The following SKI variants were observed in gnomAD, a reference collection of about 807,000 sequenced individuals.
SKI encodes ski oncogene.
Under a neutral mutation model 59.3 loss-of-function variants are expected in SKI, and 23 were observed. The observed-to-expected ratio is 0.39, with a 90% CI of 0.28 to 0.55. SKI has a LOEUF of 0.55. Ranked by LOEUF, SKI falls within the 20% of genes least tolerant of loss-of-function variation. The pLI, the probability that SKI is intolerant of heterozygous loss-of-function variation, is 0.67. For missense variants in SKI, 1,017 were observed against 1,038.9 expected (o/e 0.98, Z 0.29); for synonymous variants, 673 against 488.6 (o/e 1.38, Z -4.98).
intron 1 of SKI, among the ~76,000 whole-genome samples, chr1:2,253,056 A>C (rs1639196371): frequency 6.6e-6 from 1 of 151,394 alleles, no homozygotes; most frequent in Non-Finnish European, 1.5e-5. Context: ...AGGTCATGCC[A>C]CTGTACTGCA....
chr1:2,287,254 A>G (rs1199293542), intron 1 of SKI, among the ~76,000 whole-genome samples: 1 of 152,006 alleles, frequency 6.6e-6, no homozygotes, highest in Non-Finnish European at 1.5e-5. Context: ...CGACTTGGGA[A>G]TGCGTTTCTT....
rs56352201 is a variant in SKI, at chr1:2,229,528, C to T, written c.762C>T (p.Tyr254=). Residue 254 remains tyrosine, a synonymous_variant, in exon 1 of 7, where the codon TAC becomes TAT. Transcript: ENST00000378536. The surrounding 1 kb of genome is among the most constrained non-coding windows in gnomAD (Gnocchi z 6.3). ...CIQCLDCRLM[Y]PPHKFVVHSH... ...AGTGCCTGGACTGCCGCCTCATGTA[C>T]CCGCCGCACAAGTTCGTGGTGCACT... The T allele has an allele frequency of 1.1e-5, 18 of 1,611,336 alleles. No homozygotes were observed. Among genetic ancestry groups the T allele is most frequent in the Middle Eastern group, 1.6e-4 (1 of 6,062 alleles).
chr1:2,241,797 A>G, intron 1 of SKI, among the ~76,000 whole-genome samples: 1 of 152,222 alleles, frequency 6.6e-6, no homozygotes, highest in East Asian at 1.9e-4. Flanking sequence ...AACGCTCACC[A>G]TGACCCATTA....
At position 2,242,150 on chromosome 1, in the gene SKI, T is replaced by C. The variant is rs188361833; in HGVS notation, c.969+12415T>C. 5.3e-5 allele frequency among the ~76,000 whole-genome samples: 8 copies of C among 152,316 alleles called. 1 individual carries two copies. The East Asian group carries it at 1.5e-3, about 29-fold the overall frequency. ...TAGAGACCGTCGGTGACCTTCCTCA[T>C]GTGATGCGTCCCTTGGTGTGGCCCC... On this transcript the variant is annotated intron_variant, in intron 1 of 6. Coordinates refer to ENST00000378536, the MANE Select transcript of SKI (RefSeq NM_003036.4).
chr1:2,279,585 G>A (rs767191916), intron 1 of SKI, among the ~76,000 whole-genome samples: 21 of 152,302 alleles, frequency 1.4e-4, no homozygotes, highest in Admixed American at 1.0e-3. Flanking sequence ...GGGGGAGGGG[G>A]GAGGGGAGAG....
At position 2,309,018 on chromosome 1, in the gene SKI, G is replaced by C. The variant is rs1640673765; in HGVS notation, c.*2253G>C. 6.6e-6 allele frequency: 1 copy of C among 152,364 alleles called. No individual in the cohort carries two copies. Among genetic ancestry groups the C allele is most frequent in the South Asian group, 2.1e-4 (1 of 4,828 alleles). 9.4% of individuals were successfully genotyped at this position (152,364 alleles called of 1,614,324 possible). On this transcript the variant is annotated 3_prime_UTR_variant, in exon 7 of 7. Transcript: ENST00000378536. ...AGCTGCCAGGCCCGTGCGGTCAGTGGGACCCGGACGTGGGCAGGCGAGCTC... is the reference window on the plus strand; with the variant it reads ...AGCTGCCAGGCCCGTGCGGTCAGTGCGACCCGGACGTGGGCAGGCGAGCTC...
At chr1:2,273,775 G>A (rs1000512916) in intron 1 of SKI, among the ~76,000 whole-genome samples, 4 of 152,224 alleles carry the variant, frequency 2.6e-5, no homozygotes, top group Non-Finnish European at 4.4e-5. Context: ...GGCAGCGTTC[G>A]GGCTGAGGCT....
chr1:2,237,201 G>A lies in SKI; in HGVS notation c.969+7466G>A, dbSNP rs1388269068. On this transcript the variant is annotated intron_variant, in intron 1 of 6. Coordinates refer to ENST00000378536, the MANE Select transcript of SKI (RefSeq NM_003036.4). ...CACCTGAGGACTGGCTGACCTCACCGGGAAGTGCGTCAGGAGTGGGTGAGG... is the reference window on the plus strand; with the variant it reads ...CACCTGAGGACTGGCTGACCTCACCAGGAAGTGCGTCAGGAGTGGGTGAGG... 5.3e-5 allele frequency among the ~76,000 whole-genome samples: 8 copies of A among 152,206 alleles called. 1 individual carries two copies. Among genetic ancestry groups the A allele is most frequent in the Admixed American group, 3.9e-4 (6 of 15,278 alleles).
intron 1 of SKI, among the ~76,000 whole-genome samples, chr1:2,246,530 G>A (rs1235648429): frequency 6.6e-6 from 1 of 152,184 alleles, no homozygotes. Context: ...TGGTGGTCAG[G>A]AAGCTGGAGC....
At chr1:2,265,785 G>A (rs558263537) in intron 1 of SKI, among the ~76,000 whole-genome samples, 5 of 152,140 alleles carry the variant, frequency 3.3e-5, no homozygotes, top group African/African-American at 1.2e-4. Flanking sequence ...TGGGCAACAT[G>A]GAGAAACCCT....
In SKI at chr1:2,229,075, C is replaced by T; in HGVS notation, c.309C>T (p.Thr103=). The T allele has an allele frequency of 6.2e-7, 1 of 1,608,156 alleles. No homozygotes were observed. Among genetic ancestry groups the T allele is most frequent in the Non-Finnish European group, 8.5e-7 (1 of 1,179,840 alleles). ...ACCGCTCCACCGAGCGCTGCGAGAC[C>T]GTACTGGAAGGCGAGACCATCTCGT... ...PSDRSTERCE[T]VLEGETISCF... Residue 103 remains threonine, a synonymous_variant, in exon 1 of 7, where the codon ACC becomes ACT. Transcript: ENST00000378536. This position sits in a 1 kb window ranked among gnomAD's most constrained non-coding sequence, Gnocchi z 6.3.
chr1:2,277,103 G>A (rs139780869), intron 1 of SKI, among the ~76,000 whole-genome samples: 5 of 152,288 alleles, frequency 3.3e-5, no homozygotes, highest in Non-Finnish European at 4.4e-5. Flanking sequence ...ACAGTTGTTT[G>A]TTTAAAAAGA....
chr1:2,300,157 G>A (rs1213006803), intron 1 of SKI, among the ~76,000 whole-genome samples: 1 of 152,254 alleles, frequency 6.6e-6, no homozygotes, highest in Non-Finnish European at 1.5e-5. Context: ...TGGCCAGGTA[G>A]CTTGCCTGGT....
intron 1 of SKI, among the ~76,000 whole-genome samples, chr1:2,278,007 G>T (rs750469574): frequency 2.0e-5 from 3 of 152,202 alleles, no homozygotes; most frequent in Non-Finnish European, 4.4e-5. Flanking sequence ...GCACACATCA[G>T]TACCATGGGC....
intron 1 of SKI, among the ~76,000 whole-genome samples, chr1:2,257,388 G>A (rs1218184731): frequency 2.0e-5 from 3 of 152,234 alleles, no homozygotes; most frequent in African/African-American, 7.2e-5. Flanking sequence ...TTATGCAGAC[G>A]TGCGGGCCAG....
In SKI at chr1:2,277,883, C is replaced by T. The variant is rs563867097; in HGVS notation, c.970-25095C>T. ...TGCACACACACATCAGCACCGTGGGCGCACACACCTGCACTCAACGCACTC... is the reference window on the plus strand; with the variant it reads ...TGCACACACACATCAGCACCGTGGGTGCACACACCTGCACTCAACGCACTC... On this transcript the variant is annotated intron_variant, in intron 1 of 6. Coordinates refer to ENST00000378536, the MANE Select transcript of SKI (RefSeq NM_003036.4). 4.4e-4 allele frequency among the ~76,000 whole-genome samples: 67 copies of T among 151,544 alleles called. 1 individual carries two copies. Among genetic ancestry groups the T allele is most frequent in the African/African-American group, 9.7e-4 (40 of 41,298 alleles).
At chr1:2,285,283 C>T (rs976200225) in intron 1 of SKI, among the ~76,000 whole-genome samples, 4 of 152,104 alleles carry the variant, frequency 2.6e-5, no homozygotes, top group Non-Finnish European at 4.4e-5. Context: ...GAGGCCGAGG[C>T]GGCTGGATCA....
intron 1 of SKI, among the ~76,000 whole-genome samples, chr1:2,278,142 C>A (rs960412593): frequency 6.6e-6 from 1 of 152,224 alleles, no homozygotes; most frequent in Non-Finnish European, 1.5e-5. Context: ...AGCCCAGTGT[C>A]CCCTGGACCC....
chr1:2,279,477 C>T (rs536325646), intron 1 of SKI, among the ~76,000 whole-genome samples: 80 of 150,530 alleles, frequency 5.3e-4, no homozygotes, highest in African/African-American at 1.8e-3. Flanking sequence ...CTCTCTGGTT[C>T]TCTCAGGCCT....
Sources: allele counts gnomAD v4.1 joint callset (sites outside exome capture counted in the v4.1 genomes callset), GRCh38; gene constraint gnomAD v4.1.1; non-coding constraint Gnocchi (gnomAD v3.1); transcripts MANE v1.5; gene names NCBI Gene and HGNC (gene_info 2026-07-23, HGNC 2026-07-21).